The following ARID2 variants were observed in gnomAD, a reference collection of about 807,000 sequenced individuals.
The protein encoded by ARID2 is AT-rich interaction domain 2.
A neutral mutation model predicts 184.6 loss-of-function variants in ARID2; 32 were observed. The observed-to-expected ratio is 0.17, with a 90% confidence interval of 0.13 to 0.23. The LOEUF (loss-of-function observed/expected upper bound fraction) is 0.23. Ranked by LOEUF, ARID2 falls within the 10% of genes least tolerant of loss-of-function variation. The pLI is 1.00. For synonymous variants in ARID2, 836 were observed against 772.6 expected, an observed-to-expected ratio of 1.08 and a Z score of -1.36; for missense variants, 1,696 against 2,197.6, an observed-to-expected ratio of 0.77 and a Z score of 4.56.
At chr12:45,878,928 TGTAG>T (rs1944054326) in intron 16 of ARID2, among the ~76,000 whole-genome samples, 1 of 152,218 alleles carries the variant, frequency 6.6e-6, no homozygotes, top group Admixed American at 6.5e-5. Context: ...TTGCTGTAGC[TGTAG>T]GTGTCAGAAG....
In ARID2 at chr12:45,852,061, A is replaced by T. The variant is rs2138175703; in HGVS notation, c.3938A>T (p.Gln1313Leu). 1 of 1,614,138 alleles carries T rather than the reference A, an allele frequency of 6.2e-7. No homozygotes were observed. The highest frequency in any genetic ancestry group is 8.5e-7 in the Non-Finnish European group (1 of 1,180,012). Residue 1313 changes from glutamine to leucine, a missense_variant, in exon 15 of 21, where the codon CAA becomes CTA. By Grantham distance (113) the Gln-to-Leu change is moderately radical (BLOSUM62 -2). This residue lies in a region of ARID2 where 428 missense variants were observed against 409.1 expected (regional missense o/e 1.05). Transcript: ENST00000334344. ...SLPPSNSGKI[Q>L]SETNQCSLIS... Reference sequence around the variant, plus strand: ...CCTCCTTCAAACTCAGGGAAAATTCAAAGTGAGACTAATCAGTGCTCACTA... The same window carrying T: ...CCTCCTTCAAACTCAGGGAAAATTCTAAGTGAGACTAATCAGTGCTCACTA...
In ARID2 at chr12:45,738,377, TG is replaced by T. The variant is rs1318724116; in HGVS notation, c.284+7064del. The stretch of plus-strand genomic sequence containing the variant: ...TCACTCAGGCTGGAGTGCAGTGGCA[TG>T]ATCTTGGCTCACTGCAACCTTCACC... On this transcript the variant is annotated intron_variant, in intron 3 of 20. Coordinates refer to ENST00000334344, the MANE Select transcript of ARID2 (RefSeq NM_152641.4). Among the ~76,000 whole-genome samples the T allele has an allele frequency of 2.2e-4, 34 of 152,172 alleles. 1 individual carries two copies. Among genetic ancestry groups the T allele is most frequent in the African/African-American group, 8.2e-4 (34 of 41,434 alleles).
At chr12:45,879,540 A>T (rs1292506935) in intron 16 of ARID2, among the ~76,000 whole-genome samples, 5 of 152,214 alleles carry the variant, frequency 3.3e-5, no homozygotes, top group Non-Finnish European at 7.3e-5. Flanking sequence ...CCTGCAAGTT[A>T]CGGGCTCCAG....
chr12:45,735,111 A>G (rs1489327038), intron 3 of ARID2, among the ~76,000 whole-genome samples: 3 of 147,282 alleles, frequency 2.0e-5, no homozygotes, highest in Non-Finnish European at 4.5e-5. Context: ...AATTTATTCT[A>G]TTTTTTTTTT....
chr12:45,857,194 A>G (rs1943665527), intron 15 of ARID2, among the ~76,000 whole-genome samples: 2 of 152,216 alleles, frequency 1.3e-5, no homozygotes, highest in African/African-American at 2.4e-5. Context: ...TAAGATATTT[A>G]ACATATGCCT....
chr12:45,824,424 C>G (rs1191252517), intron 6 of ARID2, among the ~76,000 whole-genome samples: 2 of 151,510 alleles, frequency 1.3e-5, no homozygotes, highest in Admixed American at 6.6e-5. Flanking sequence ...AAGTCCTAGC[C>G]AAAGGAATCA....
intron 10 of ARID2, among the ~76,000 whole-genome samples, chr12:45,838,371 G>C (rs1167513929): frequency 6.6e-6 from 1 of 152,154 alleles, no homozygotes; most frequent in African/African-American, 2.4e-5. Flanking sequence ...TAAAGATTCA[G>C]CTTGAAAACT....
chr12:45,754,973 G>A (rs1347634239), intron 3 of ARID2, among the ~76,000 whole-genome samples: 1 of 152,168 alleles, frequency 6.6e-6, no homozygotes, highest in Non-Finnish European at 1.5e-5. Flanking sequence ...AGACTGGTTG[G>A]ATTCAGATAG....
At chr12:45,752,379 G>A (rs1565582860) in intron 3 of ARID2, among the ~76,000 whole-genome samples, 1 of 152,164 alleles carries the variant, frequency 6.6e-6, no homozygotes, top group African/African-American at 2.4e-5. Context: ...TAGAGAGCAC[G>A]GTGTCTGGTT....
At chr12:45,898,443 T>C (rs1485709671) in intron 20 of ARID2, among the ~76,000 whole-genome samples, 9 of 152,204 alleles carry the variant, frequency 5.9e-5, no homozygotes, top group Non-Finnish European at 5.9e-5. Context: ...TTTTATGTTA[T>C]GTATGTTTTA....
At chr12:45,764,670 T>C (rs1408078347) in intron 3 of ARID2, among the ~76,000 whole-genome samples, 1 of 152,258 alleles carries the variant, frequency 6.6e-6, no homozygotes, top group African/African-American at 2.4e-5. Context: ...CTGAGATTTA[T>C]ACATAGTGCC....
chr12:45,743,279 G>C (rs930923006), intron 3 of ARID2, among the ~76,000 whole-genome samples: 5 of 152,114 alleles, frequency 3.3e-5, no homozygotes, highest in African/African-American at 1.2e-4. Context: ...TGAAGCAGGA[G>C]AAAGGCTTGA....
chr12:45,734,287 T>C (rs1471346870), intron 3 of ARID2, among the ~76,000 whole-genome samples: 1 of 152,186 alleles, frequency 6.6e-6, no homozygotes, highest in Non-Finnish European at 1.5e-5. Flanking sequence ...GAGAACTGCT[T>C]GAGCCCGGGA....
At chr12:45,871,888 A>G (rs1592133884) in intron 16 of ARID2, among the ~76,000 whole-genome samples, 1 of 152,212 alleles carries the variant, frequency 6.6e-6, no homozygotes, top group African/African-American at 2.4e-5. Context: ...GTTATCAAAT[A>G]TGTGAGCATA....
intron 11 of ARID2, among the ~76,000 whole-genome samples, chr12:45,845,352 A>G (rs184183086): frequency 1.1e-3 from 160 of 152,304 alleles, no homozygotes; most frequent in African/African-American, 3.6e-3. Context: ...AGGATTGCCA[A>G]CAGGAAAAAT....
At chr12:45,730,369 G>T (rs1940958927) in intron 2 of ARID2, among the ~76,000 whole-genome samples, 1 of 146,154 alleles carries the variant, frequency 6.8e-6, no homozygotes, top group Admixed American at 6.8e-5. Context: ...CCCGGCGCCG[G>T]CTCGCGCCCT....
chr12:45,873,664 G>C (rs1943961007), intron 16 of ARID2, among the ~76,000 whole-genome samples: 1 of 152,060 alleles, frequency 6.6e-6, no homozygotes, highest in Non-Finnish European at 1.5e-5. Flanking sequence ...AAATATTTTT[G>C]TTTCTTAGTG....
At chr12:45,731,454 A>G (rs1156274267) in intron 3 of ARID2, 140 bp downstream of exon 3, 17 of 607,570 alleles carry the variant, frequency 2.8e-5, no homozygotes, top group Non-Finnish European at 2.3e-5. Context: ...CACATTTAAT[A>G]TAAATAAAGT....
At chr12:45,805,634 A>G (rs761212361) in intron 3 of ARID2, among the ~76,000 whole-genome samples, 1 of 152,118 alleles carries the variant, frequency 6.6e-6, no homozygotes, top group Non-Finnish European at 1.5e-5. Context: ...TTATTGAGGT[A>G]CAATTGACTA....
Sources: gnomAD v4.1 joint callset for allele counts (sites outside exome capture counted in the v4.1 genomes callset) on GRCh38, gnomAD v4.1.1 for gene constraint, gnomAD v4.1.1 regional missense constraint, MANE v1.5 for transcripts, NCBI Gene and HGNC (gene_info 2026-07-23, HGNC 2026-07-21) for gene names.